Variants in MALRD1 observed in about 807,000 individuals in gnomAD.
MALRD1 encodes the protein MAM and LDL-receptor class A domain-containing protein 1.
MALRD1 carries 247 observed loss-of-function variants against 242.1 expected under a neutral mutation model. The observed-to-expected ratio is 1.02, with a 90% CI of 0.92 to 1.13. The LOEUF (loss-of-function observed/expected upper bound fraction) is 1.13. MALRD1 is among the 50% of genes most tolerant of loss of function. The pLI, the probability that MALRD1 is intolerant of heterozygous loss-of-function variation, is 0.00. For synonymous variants in MALRD1, 995 were observed against 866.6 expected (o/e 1.15, Z -2.60); for missense variants, 2,989 against 2,533.1 (o/e 1.18, Z -3.86).
chr10:19,356,121 C>G (rs1276674512), intron 26 of MALRD1, among the ~76,000 whole-genome samples: 1 of 151,468 alleles, frequency 6.6e-6, no homozygotes, highest in Non-Finnish European at 1.5e-5. Context: ...CCAACTACCA[C>G]TACAGTAGTT....
At chr10:19,209,103 CT>C (rs933880905) in intron 17 of MALRD1, among the ~76,000 whole-genome samples, 164 bp from the exon 18 acceptor site, 5 of 151,880 alleles carry the variant, frequency 3.3e-5, no homozygotes, top group African/African-American at 7.3e-5. Flanking sequence ...AACAAAAACT[CT>C]TTTTTTAAAA....
intron 28 of MALRD1, among the ~76,000 whole-genome samples, chr10:19,430,111 C>CCTTTTTTT (rs1285347677): frequency 8.4e-5 from 7 of 83,524 alleles, no homozygotes; most frequent in African/African-American, 3.4e-4. Context: ...CTCCATTTTC[C>CCTTTTTTT]TTTTTTTTTT....
intron 38 of MALRD1, among the ~76,000 whole-genome samples, chr10:19,702,184 A>G (rs1190808761): frequency 6.6e-6 from 1 of 152,234 alleles, no homozygotes; most frequent in Non-Finnish European, 1.5e-5. Flanking sequence ...AAGATGCAAA[A>G]GGAGATGCAT....
intron 21 of MALRD1, among the ~76,000 whole-genome samples, chr10:19,288,235 G>T (rs1841231882): frequency 6.6e-6 from 1 of 151,976 alleles, no homozygotes; most frequent in Non-Finnish European, 1.5e-5. Context: ...ATACAGGCAT[G>T]CAATGTATAA....
At position 19,171,933 on chromosome 10, in the gene MALRD1, ATATATATCATATAATATATG is replaced by A. The variant is rs1269745267; in HGVS notation, c.1831-3265_1831-3246del. On this transcript the variant is annotated intron_variant, in intron 13 of 39. Coordinates refer to ENST00000454679, the MANE Select transcript of MALRD1 (RefSeq NM_001142308.3). ...TATATGATATATACATATATGTGAT[ATATATATCATATAATATATG>A]TATATATCACATATATGTGATATAT... Among the ~76,000 whole-genome samples, 67 of 119,226 alleles carry A rather than the reference ATATATATCATATAATATATG, an allele frequency of 5.6e-4. No individual in the cohort carries two copies. The South Asian group carries it at 8.0e-3, about 14-fold the overall frequency. 78.2% of individuals were successfully genotyped at this position (119,226 alleles called of 152,430 possible).
chr10:19,367,375 T>C (rs1845153489), intron 26 of MALRD1, among the ~76,000 whole-genome samples: 2 of 152,176 alleles, frequency 1.3e-5, no homozygotes, highest in South Asian at 2.1e-4. Flanking sequence ...TGTTTAACTT[T>C]CTATTCCTGG....
intron 14 of MALRD1, among the ~76,000 whole-genome samples, chr10:19,188,346 T>A (rs1835826596): frequency 6.6e-6 from 1 of 152,212 alleles, no homozygotes; most frequent in African/African-American, 2.4e-5. Context: ...TTGGGTCATT[T>A]AGAGAAGGGC....
chr10:19,413,260 G>T (rs1833356638), intron 28 of MALRD1, among the ~76,000 whole-genome samples: 1 of 152,090 alleles, frequency 6.6e-6, no homozygotes, highest in Non-Finnish European at 1.5e-5. Flanking sequence ...CACTATTAAT[G>T]ATTTGACCAT....
At chr10:19,510,313 C>G (rs1336113568) in intron 31 of MALRD1, among the ~76,000 whole-genome samples, 2 of 152,200 alleles carry the variant, frequency 1.3e-5, no homozygotes, top group South Asian at 2.1e-4. Flanking sequence ...AGGCTTTCCT[C>G]TTTTACTAAT....
At chr10:19,503,803 C>T (rs1328000621) in intron 31 of MALRD1, among the ~76,000 whole-genome samples, 1 of 152,166 alleles carries the variant, frequency 6.6e-6, no homozygotes, top group East Asian at 1.9e-4. Context: ...TTGGAACTAT[C>T]CCCTACTATA....
chr10:19,515,458 A>C (rs1833581861), intron 31 of MALRD1, among the ~76,000 whole-genome samples: 1 of 152,112 alleles, frequency 6.6e-6, no homozygotes, highest in Admixed American at 6.5e-5. Context: ...GAAGAGGCAA[A>C]ATTTTATCTC....
rs185062525 is a variant in MALRD1, at chr10:19,504,212, A to T, written c.5320+5566A>T. On this transcript the variant is annotated intron_variant, in intron 31 of 39. Coordinates refer to ENST00000454679, the MANE Select transcript of MALRD1 (RefSeq NM_001142308.3). ...ATCAGAGATGAGGAACACAGATATT[A>T]TGGTTTTTCTCAACCCGTAAAATGA... Among the ~76,000 whole-genome samples, 3 of 152,296 alleles carry T rather than the reference A, an allele frequency of 2.0e-5. No individual in the cohort carries two copies. In the East Asian group the frequency reaches 5.8e-4, roughly 29 times the overall value.
intron 36 of MALRD1, among the ~76,000 whole-genome samples, chr10:19,665,485 G>C (rs998281597): frequency 1.3e-5 from 2 of 152,078 alleles, no homozygotes; most frequent in Non-Finnish European, 2.9e-5. Flanking sequence ...GGCAGATAAA[G>C]GGAATGGTAG....
In MALRD1 at chr10:19,687,008, A is replaced by T. The variant is rs548638565; in HGVS notation, c.6138-5274A>T. On this transcript the variant is annotated intron_variant, in intron 36 of 39. Transcript: ENST00000454679. ...TTGTGAGTGCTCTTTGAAAAAAAAA[A>T]AATAATAACGAGTGGATTTTTTTCC... 3.8e-3 allele frequency among the ~76,000 whole-genome samples: 577 copies of T among 152,218 alleles called. 1 individual carries two copies. Among genetic ancestry groups the T allele is most frequent in the Non-Finnish European group, 5.8e-3 (396 of 68,002 alleles).
chr10:19,209,533 C>T lies in MALRD1; in HGVS notation c.2844C>T (p.His948=). ...TKGCTFRFYY[H]MFGKRIYRLA... Reference sequence around the variant, plus strand: ...GCTGCACCTTCCGCTTCTATTACCACATGTTTGGAAAGCGCATTTATAGGT... The same window carrying T: ...GCTGCACCTTCCGCTTCTATTACCATATGTTTGGAAAGCGCATTTATAGGT... Residue 948 remains histidine (H), a synonymous_variant, in exon 18 of 40, where the codon CAC becomes CAT. Transcript: ENST00000454679. The T allele has an allele frequency of 6.4e-7, 1 of 1,550,790 alleles. No homozygotes were observed. Among genetic ancestry groups the T allele is most frequent in the South Asian group, 1.2e-5 (1 of 84,062 alleles).
At chr10:19,292,761 C>T (rs943386006) in intron 21 of MALRD1, among the ~76,000 whole-genome samples, 10 of 151,836 alleles carry the variant, frequency 6.6e-5, no homozygotes, top group South Asian at 6.2e-4. Context: ...GGCATGGTGG[C>T]GGGCGCCTGT....
chr10:19,534,972 G>A (rs1233050759), intron 32 of MALRD1, among the ~76,000 whole-genome samples: 3 of 151,896 alleles, frequency 2.0e-5, no homozygotes, highest in East Asian at 1.9e-4. Flanking sequence ...TGCAACCTCC[G>A]CCTCCCTGGT....
At chr10:19,603,567 A>G (rs1030594219) in intron 34 of MALRD1, among the ~76,000 whole-genome samples, 1 of 152,118 alleles carries the variant, frequency 6.6e-6, no homozygotes, top group African/African-American at 2.4e-5. Context: ...CTGTTTTGGT[A>G]CCAGTACTAT....
intron 33 of MALRD1, among the ~76,000 whole-genome samples, chr10:19,584,046 T>C (rs1303159557): frequency 2.0e-5 from 3 of 151,006 alleles, no homozygotes; most frequent in Admixed American, 2.0e-4. Flanking sequence ...TGGTAGTTTT[T>C]ATATCTGTGG....
Sources: gnomAD v4.1 joint callset for allele counts (sites outside exome capture counted in the v4.1 genomes callset) on GRCh38, gnomAD v4.1.1 for gene constraint, MANE v1.5 for transcripts, NCBI Gene and HGNC (gene_info 2026-07-23, HGNC 2026-07-21) for gene names.